The following COL1A1 variants were observed in gnomAD, a reference collection of about 807,000 sequenced individuals.
COL1A1 encodes collagen type I alpha 1 chain.
Under a neutral mutation model 195.7 loss-of-function variants are expected in COL1A1, and 21 were observed. The observed-to-expected ratio is 0.11, with a 90% CI of 0.08 to 0.15. The LOEUF (loss-of-function observed/expected upper bound fraction) is 0.15, where lower values mean the gene tolerates loss of function less well. Ranked by LOEUF, COL1A1 falls within the 10% of genes least tolerant of loss-of-function variation. The probability of loss-of-function intolerance (pLI) is 1.00; values close to 1 mark genes in which losing one functional copy is unlikely to be tolerated. For synonymous variants in COL1A1, 749 were observed against 747.3 expected (o/e 1.00, Z -0.04); for missense variants, 1,365 against 2,051.0 (o/e 0.67, Z 6.46).
At chr17:50,197,855 G>C in intron 8 of COL1A1, 70 bp from the exon 9 acceptor site, 1 of 1,585,846 alleles carries the variant, frequency 6.3e-7, no homozygotes, top group Admixed American at 1.7e-5. Flanking sequence ...GGATTGAAGG[G>C]AAGAGGTAAG....
At chr17:50,197,628 C>A (rs1224942385) in intron 9 of COL1A1, 104 bp downstream of exon 9, 1 of 959,164 alleles carries the variant, frequency 1.0e-6, no homozygotes, top group Non-Finnish European at 1.6e-6. Context: ...GACTTGCCCT[C>A]CTTCCTCTGA....
At chr17:50,199,149 A>T in intron 5 of COL1A1, 77 bp downstream of exon 5, 1 of 1,409,858 alleles carries the variant, frequency 7.1e-7, no homozygotes. Context: ...AATTATTTCA[A>T]AGTATAAAAT....
rs1413282684 is a variant in COL1A1, at chr17:50,186,632, G to A, written c.3814+8C>T. The A allele has an allele frequency of 1.2e-6, 2 of 1,613,386 alleles. No homozygotes were observed. Among genetic ancestry groups the A allele is most frequent in the East Asian group, 2.2e-5 (1 of 44,852 alleles). On this transcript the variant is annotated splice_region_variant and intron_variant, in intron 48 of 50. Transcript: ENST00000225964. This position sits in a 1 kb window ranked among gnomAD's most constrained non-coding sequence, Gnocchi z 5.3. ...AGGAGGGAGGGAGAGGCTAGGGCAG[G>A]CCCTCACCACTCTTCCAGTCAGAGT...
chr17:50,197,440 C>T (rs1907693893), intron 9 of COL1A1, among the ~76,000 whole-genome samples: 1 of 152,244 alleles, frequency 6.6e-6, no homozygotes, highest in African/African-American at 2.4e-5. Flanking sequence ...GAATTTCTGT[C>T]TACTTCTGTC....
chr17:50,192,961 G>T, intron 26 of COL1A1, 33 bp downstream of exon 26: 1 of 1,613,668 alleles, frequency 6.2e-7, no homozygotes. Flanking sequence ...GGCAGCAATG[G>T]GAAGGAGGTA....
Position 50,188,851 on chromosome 17 carries a change from G to A in COL1A1, c.3045+52C>T. 1.9e-6 allele frequency: 3 copies of A among 1,596,364 alleles called. No individual in the cohort carries two copies. The highest frequency in any genetic ancestry group is 2.2e-5 in the South Asian group (2 of 90,678). On this transcript the variant is annotated intron_variant, in intron 41 of 50. Transcript: ENST00000225964. The surrounding 1 kb of genome is among the most constrained non-coding windows in gnomAD (Gnocchi z 5.6). Reference sequence around the variant, plus strand: ...CAGCCGGGGAAGAGGGCTTAGGCAAGGCCACAATGGCCATGCTGAGGGTAC... The same window carrying A: ...CAGCCGGGGAAGAGGGCTTAGGCAAAGCCACAATGGCCATGCTGAGGGTAC...
Position 50,186,951 on chromosome 17 carries a change from T to A in COL1A1, c.3532-29A>T. ...CACAGAGAGGGAAGAGAGTGGGGAT[T>A]ACCGGCATCCAAGTGCTTTGGGGGC... On this transcript the variant is annotated intron_variant, in intron 47 of 50. Coordinates refer to ENST00000225964, the MANE Select transcript of COL1A1 (RefSeq NM_000088.4). This position sits in a 1 kb window ranked among gnomAD's most constrained non-coding sequence, Gnocchi z 5.3. 6.2e-7 allele frequency: 1 copy of A among 1,612,738 alleles called. No homozygotes were observed. Among genetic ancestry groups the A allele is most frequent in the Non-Finnish European group, 8.5e-7 (1 of 1,179,362 alleles).
Position 50,186,548 on chromosome 17 carries a change from C to G in COL1A1, c.3815-41G>C, listed in dbSNP as rs200786916. 2.4e-5 allele frequency: 39 copies of G among 1,613,710 alleles called. No homozygotes were observed. In the African/African-American group the frequency reaches 4.0e-4, roughly 17 times the overall value. ...GCAAGATGGAGTCAGGGAAAGGGAG[C>G]AGCCAGCACCATATGGTAGGGGCAC... On this transcript the variant is annotated intron_variant, in intron 48 of 50. Transcript: ENST00000225964. The surrounding 1 kb of genome is among the most constrained non-coding windows in gnomAD (Gnocchi z 5.3).
chr17:50,185,339 T>C lies in COL1A1; in HGVS notation c.*163A>G. On this transcript the variant is annotated 3_prime_UTR_variant, in exon 51 of 51. Coordinates refer to ENST00000225964, the MANE Select transcript of COL1A1 (RefSeq NM_000088.4). The stretch of plus-strand genomic sequence containing the variant: ...CGGTTGGTCAAAGATAAAAACTAAG[T>C]TTGAGAGATGAATGCAAAGGAAAAA... 1.4e-6 allele frequency: 1 copy of C among 714,002 alleles called. No homozygotes were observed. 44.2% of individuals were successfully genotyped at this position (714,002 alleles called of 1,614,324 possible).
At position 50,188,351 on chromosome 17, in the gene COL1A1, G is replaced by A. The variant is rs1906739063; in HGVS notation, c.3207+179C>T. ...TCATGGGAGAGGCGGTCCTGTCTGG[G>A]AGAGGGGACTTGGGGCTGAGCTTTA... On this transcript the variant is annotated intron_variant, in intron 43 of 50. Transcript: ENST00000225964. The surrounding 1 kb of genome is among the most constrained non-coding windows in gnomAD (Gnocchi z 5.6). 1.2e-6 allele frequency: 1 copy of A among 813,408 alleles called. No individual in the cohort carries two copies. Among genetic ancestry groups the A allele is most frequent in the Non-Finnish European group, 2.0e-6 (1 of 512,022 alleles). 50.4% of individuals were successfully genotyped at this position (813,408 alleles called of 1,614,324 possible).
At chr17:50,185,702 G>T in intron 50 of COL1A1, 54 bp from the exon 51 acceptor site, 1 of 1,612,128 alleles carries the variant, frequency 6.2e-7, no homozygotes. Context: ...GAGTGATGGA[G>T]AGAGGGCACT....
In COL1A1 at chr17:50,199,399, C is replaced by A. The variant is rs1345378075; in HGVS notation, c.369+19G>T. ...CATGCCCACCTGCAGCCCCCCACAG[C>A]CCAGAGTGCAACGCTTACCCTTGGG... On this transcript the variant is annotated intron_variant, in intron 4 of 50. Coordinates refer to ENST00000225964, the MANE Select transcript of COL1A1 (RefSeq NM_000088.4). The A allele has an allele frequency of 1.2e-6, 2 of 1,613,568 alleles. No homozygotes were observed. Among genetic ancestry groups the A allele is most frequent in the South Asian group, 2.2e-5 (2 of 90,978 alleles).
chr17:50,193,038 C>T lies in COL1A1; in HGVS notation c.1777G>A (p.Gly593Ser), dbSNP rs66527965. The T allele has an allele frequency of 6.2e-7, 1 of 1,613,946 alleles. No individual in the cohort carries two copies. The highest frequency in any genetic ancestry group is 1.1e-5 in the South Asian group (1 of 90,996). ...GGAACACCTCGCTCTCCAGCCTTGC[C>T]GGGCTCTCCCTGTGGAGAAAGGGAG... ...PGPKGAAGEP[G>S]KAGERGVPGP... Residue 593 changes from glycine (G) to serine (S), a missense_variant, in exon 26 of 51, where the codon GGC becomes AGC. Coordinates refer to ENST00000225964, the MANE Select transcript of COL1A1 (RefSeq NM_000088.4).
chr17:50,192,600 A>T, intron 28 of COL1A1, 40 bp downstream of exon 28: 1 of 1,613,906 alleles, frequency 6.2e-7, no homozygotes, highest in East Asian at 2.2e-5. Context: ...GGTGTTTCCT[A>T]CCCCTACCTC....
intron 45 of COL1A1, 98 bp downstream of exon 45, chr17:50,187,778 G>A: frequency 8.3e-6 from 10 of 1,208,788 alleles, no homozygotes; most frequent in African/African-American, 1.5e-5. Context: ...CACTAGGGAG[G>A]GGAAAGAATG....
At chr17:50,193,229 G>C (rs1486616481) in intron 25 of COL1A1, among the ~76,000 whole-genome samples, 182 bp from the exon 26 acceptor site, 1 of 152,182 alleles carries the variant, frequency 6.6e-6, no homozygotes, top group Non-Finnish European at 1.5e-5. Context: ...CTCCTCCCAA[G>C]ATGCCCTTCC....
At position 50,185,845 on chromosome 17, in the gene COL1A1, T is replaced by C. The variant is rs147266928; in HGVS notation, c.4181A>G (p.Asn1394Ser). The C allele has an allele frequency of 1.0e-3, 1,623 of 1,614,082 alleles. 1 individual carries two copies. The highest frequency in any genetic ancestry group is 1.2e-3 in the Non-Finnish European group (1,445 of 1,179,998). ...LKKALLLQGS[N>S]EIEIRAEGNS... Reference sequence around the variant, plus strand: ...GCCCTCGGCGCGGATCTCGATCTCGTTGGAGCCCTGGAGGAGCAGGGCCTT... The same window carrying C: ...GCCCTCGGCGCGGATCTCGATCTCGCTGGAGCCCTGGAGGAGCAGGGCCTT... Residue 1394 changes from asparagine to serine, a missense_variant, in exon 50 of 51, where the codon AAC becomes AGC. By Grantham distance (46) the Asn-to-Ser change is conservative. Coordinates refer to ENST00000225964, the MANE Select transcript of COL1A1 (RefSeq NM_000088.4).
At position 50,189,549 on chromosome 17, in the gene COL1A1, A is replaced by T. The variant is rs786205505; in HGVS notation, c.2668-11T>A. On this transcript the variant is annotated splice_polypyrimidine_tract_variant and intron_variant, in intron 38 of 50. Transcript: ENST00000225964. This position sits in a 1 kb window ranked among gnomAD's most constrained non-coding sequence, Gnocchi z 5.5. ...GGGTCCAGCATTTCCCTGGATGAGGATAGGAGGGGCTGTCAGACTCCAGGG... is the reference window on the plus strand; with the variant it reads ...GGGTCCAGCATTTCCCTGGATGAGGTTAGGAGGGGCTGTCAGACTCCAGGG... 1 of 1,612,100 alleles carries T rather than the reference A, an allele frequency of 6.2e-7. No individual in the cohort carries two copies. Among genetic ancestry groups the T allele is most frequent in the Non-Finnish European group, 8.5e-7 (1 of 1,179,390 alleles).
chr17:50,188,038 G>C lies in COL1A1; in HGVS notation c.3262-55C>G. On this transcript the variant is annotated intron_variant, in intron 44 of 50. Transcript: ENST00000225964. The surrounding 1 kb of genome is among the most constrained non-coding windows in gnomAD (Gnocchi z 5.6). ...GCGGAAGTTCCATTGGCATCGAGTGGGGCACTGTCTGCATCTGTAGAGTTC... is the reference window on the plus strand; with the variant it reads ...GCGGAAGTTCCATTGGCATCGAGTGCGGCACTGTCTGCATCTGTAGAGTTC... 1 of 1,613,308 alleles carries C rather than the reference G, an allele frequency of 6.2e-7. No individual in the cohort carries two copies. The highest frequency in any genetic ancestry group is 1.1e-5 in the South Asian group (1 of 91,050).
Sources: allele counts gnomAD v4.1 joint callset (sites outside exome capture counted in the v4.1 genomes callset), GRCh38; gene constraint gnomAD v4.1.1; non-coding constraint Gnocchi (gnomAD v3.1); transcripts MANE v1.5; gene names NCBI Gene and HGNC (gene_info 2026-07-23, HGNC 2026-07-21).